Variants in GUCY1A1 observed in about 807,000 individuals in gnomAD.
GUCY1A1 encodes the protein guanylate cyclase soluble subunit alpha-1.
Under a neutral mutation model 64.5 loss-of-function variants are expected in GUCY1A1, and 48 were observed. That is an observed-to-expected ratio of 0.74 (90% CI 0.59 to 0.95). GUCY1A1 has a LOEUF of 0.95. Ranked by LOEUF, GUCY1A1 falls within the 40% of genes least tolerant of loss-of-function variation. The probability of loss-of-function intolerance (pLI) is 0.00; values close to 1 mark genes in which losing one functional copy is unlikely to be tolerated. For synonymous variants in GUCY1A1, 308 were observed against 303.4 expected, an observed-to-expected ratio of 1.02 and a Z score of -0.16; for missense variants, 804 against 825.3, an observed-to-expected ratio of 0.97 and a Z score of 0.32.
intron 9 of GUCY1A1, among the ~76,000 whole-genome samples, chr4:155,726,659 A>G (rs955804532): frequency 6.6e-6 from 1 of 152,056 alleles, no homozygotes; most frequent in African/African-American, 2.4e-5. Flanking sequence ...GTATCTTCAA[A>G]TTTCCACTTC....
At chr4:155,680,292 A>G (rs1735544891) in intron 2 of GUCY1A1, among the ~76,000 whole-genome samples, 1 of 152,238 alleles carries the variant, frequency 6.6e-6, no homozygotes, top group Non-Finnish European at 1.5e-5. Flanking sequence ...TAACAGTATC[A>G]TAAATGAGTT....
chr4:155,695,675 C>T (rs1730317040), intron 2 of GUCY1A1, among the ~76,000 whole-genome samples: 1 of 152,174 alleles, frequency 6.6e-6, no homozygotes, highest in African/African-American at 2.4e-5. Flanking sequence ...TTGAGCTTCT[C>T]ACCCATTGGG....
chr4:155,695,010 G>A (rs1205883340), intron 2 of GUCY1A1, among the ~76,000 whole-genome samples: 1 of 152,170 alleles, frequency 6.6e-6, no homozygotes, highest in East Asian at 1.9e-4. Context: ...CTTCCATTCT[G>A]TTCTGGCAGA....
Position 155,710,984 on chromosome 4 carries a change from C to T in GUCY1A1, c.819C>T (p.Ser273=), listed in dbSNP as rs775651515. The T allele has an allele frequency of 1.2e-6, 2 of 1,613,426 alleles. No homozygotes were observed. The highest frequency in any genetic ancestry group is 3.3e-5 in the Admixed American group (2 of 60,008). ...CCCTGTCCCCCAGCAAACCCCAGTC[C>T]TCGCTGGTGATTCCCACATCGCTAT... ...KPSLSPSKPQ[S]SLVIPTSLFC... Residue 273 remains serine (S), a synonymous_variant, in exon 6 of 10, where the codon TCC becomes TCT. Coordinates refer to ENST00000506455, the MANE Select transcript of GUCY1A1 (RefSeq NM_001130682.3).
chr4:155,729,996 C>G (rs370252000), intron 9 of GUCY1A1, 34 bp from the exon 10 acceptor site: 1 of 1,299,082 alleles, frequency 7.7e-7, no homozygotes, highest in African/African-American at 1.5e-5. Flanking sequence ...AGTGGACAAA[C>G]ATTTATGTCA....
At chr4:155,711,732 G>T (rs1579089386) in intron 6 of GUCY1A1, among the ~76,000 whole-genome samples, 1 of 152,110 alleles carries the variant, frequency 6.6e-6, no homozygotes. Context: ...TCATCTCATG[G>T]TAGAGAGCTT....
intron 8 of GUCY1A1, among the ~76,000 whole-genome samples, chr4:155,718,845 G>T (rs1167735866): frequency 6.6e-6 from 1 of 152,150 alleles, no homozygotes; most frequent in Non-Finnish European, 1.5e-5. Context: ...AGGGCTCAGA[G>T]CCCAAGAATC....
At chr4:155,717,358 G>T in intron 8 of GUCY1A1, 56 bp downstream of exon 8, 3 of 1,316,016 alleles carry the variant, frequency 2.3e-6, no homozygotes, top group South Asian at 1.9e-5. Flanking sequence ...GCGTATAGTT[G>T]ATTACCAAAA....
intron 2 of GUCY1A1, among the ~76,000 whole-genome samples, chr4:155,680,147 G>T (rs1735528199): frequency 6.6e-6 from 1 of 152,034 alleles, no homozygotes; most frequent in Non-Finnish European, 1.5e-5. Flanking sequence ...GAGAAAATTT[G>T]TACCTTAACA....
At chr4:155,725,225 C>A (rs1348164303) in intron 9 of GUCY1A1, among the ~76,000 whole-genome samples, 1 of 152,010 alleles carries the variant, frequency 6.6e-6, no homozygotes, top group East Asian at 1.9e-4. Flanking sequence ...CCTAGATCAG[C>A]GCGTGAAACA....
In GUCY1A1 at chr4:155,736,784, T is replaced by G. The variant is rs956413569; in HGVS notation, c.*6553T>G. The G allele has an allele frequency of 6.6e-6, 1 of 151,776 alleles. No individual in the cohort carries two copies. The highest frequency in any genetic ancestry group is 2.4e-5 in the African/African-American group (1 of 41,362). The allele number at this position is 151,776 out of a possible 1,614,324, so 9.4% of individuals were successfully genotyped here. A position where few individuals can be genotyped will look rare whatever the true frequency, so the allele number is the denominator to read the frequency against. ...TATGCATTGCTATAGGTATACCAAGTTTTTTTTGTTATGTTTAGTAACTAA... is the reference window on the plus strand; with the variant it reads ...TATGCATTGCTATAGGTATACCAAGGTTTTTTTGTTATGTTTAGTAACTAA... On this transcript the variant is annotated 3_prime_UTR_variant, in exon 10 of 10. Transcript: ENST00000506455.
At chr4:155,684,244 A>T (rs1736217876) in intron 2 of GUCY1A1, among the ~76,000 whole-genome samples, 1 of 152,238 alleles carries the variant, frequency 6.6e-6, no homozygotes, top group Admixed American at 6.5e-5. Context: ...GAAAAGACTC[A>T]GCCTTTCTCA....
At chr4:155,679,288 G>C (rs1018296890) in intron 2 of GUCY1A1, among the ~76,000 whole-genome samples, 1 of 151,708 alleles carries the variant, frequency 6.6e-6, no homozygotes, top group Non-Finnish European at 1.5e-5. Context: ...TTCGTACTTA[G>C]GTTTACGATT....
chr4:155,715,127 A>G (rs1211865010), intron 7 of GUCY1A1, among the ~76,000 whole-genome samples: 1 of 152,130 alleles, frequency 6.6e-6, no homozygotes, highest in East Asian at 1.9e-4. Flanking sequence ...ATCTAACTAG[A>G]GTTGTAACTA....
intron 2 of GUCY1A1, among the ~76,000 whole-genome samples, chr4:155,685,603 G>GTT (rs70954055): frequency 1.9e-4 from 21 of 108,886 alleles, no homozygotes; most frequent in African/African-American, 5.6e-4. Flanking sequence ...TTCTCCTTGT[G>GTT]TTTTTTTTTT....
At chr4:155,703,844 T>A (rs1455265501) in intron 3 of GUCY1A1, 88 bp from the exon 4 acceptor site, 1 of 796,276 alleles carries the variant, frequency 1.3e-6, no homozygotes, top group African/African-American at 1.8e-5. Context: ...TTCTCGAAAA[T>A]AAATCTTCAG....
chr4:155,688,803 C>A (rs1373996509), intron 2 of GUCY1A1, among the ~76,000 whole-genome samples: 11 of 151,364 alleles, frequency 7.3e-5, no homozygotes, highest in African/African-American at 2.7e-4. Context: ...AAAAACAAAA[C>A]AAAACAAAAT....
In GUCY1A1 at chr4:155,732,485, C is replaced by CAAAA. The variant is rs1361121746; in HGVS notation, c.*2256_*2257insAAAA. ...CATGACAGAGTCCATACGAAATTCA[C>CAAAA]AATTTAGATGCTAAAAAATTTAAGG... is the stretch of plus-strand genomic sequence containing the variant. On this transcript the variant is annotated 3_prime_UTR_variant, in exon 10 of 10. Transcript: ENST00000506455. 6 of 153,462 alleles carry CAAAA rather than the reference C, an allele frequency of 3.9e-5. No individual in the cohort carries two copies. Among genetic ancestry groups the CAAAA allele is most frequent in the Admixed American group, 2.6e-4 (4 of 15,222 alleles). 9.5% of individuals were successfully genotyped at this position (153,462 alleles called of 1,614,324 possible). A position where few individuals can be genotyped will look rare whatever the true frequency, so the allele number is the denominator to read the frequency against.
intron 2 of GUCY1A1, among the ~76,000 whole-genome samples, chr4:155,677,878 G>T (rs1735178308): frequency 6.6e-6 from 1 of 151,520 alleles, no homozygotes; most frequent in Admixed American, 6.6e-5. Context: ...GTATATATAT[G>T]AAAAAATCAA....
Sources: gnomAD v4.1 joint callset for allele counts (sites outside exome capture counted in the v4.1 genomes callset) on GRCh38, gnomAD v4.1.1 for gene constraint, MANE v1.5 for transcripts, NCBI Gene and HGNC (gene_info 2026-07-23, HGNC 2026-07-21) for gene names.